Variants in CYP19A1 observed in about 807,000 individuals in gnomAD.
CYP19A1 encodes aromatase.
Under a neutral mutation model 44.4 loss-of-function variants are expected in CYP19A1, and 32 were observed. The ratio of observed to expected loss-of-function variants is 0.72; its 90% CI spans 0.54 to 0.97. The LOEUF (loss-of-function observed/expected upper bound fraction) is 0.97. Among genes scored for constraint, CYP19A1 ranks in the 50% least tolerant of loss-of-function variants. The pLI is 0.00. For synonymous variants in CYP19A1, 212 were observed against 215.6 expected (o/e 0.98, Z 0.14); for missense variants, 598 against 637.8 (o/e 0.94, Z 0.67).
intron 1 of CYP19A1, among the ~76,000 whole-genome samples, chr15:51,272,092 A>G (rs2035147045): frequency 6.6e-6 from 1 of 152,100 alleles, no homozygotes; most frequent in African/African-American, 2.4e-5. Context: ...ACAACCCAGC[A>G]CTCTCTCATC....
intron 1 of CYP19A1, among the ~76,000 whole-genome samples, chr15:51,280,378 G>A (rs907224234): frequency 2.6e-5 from 4 of 151,054 alleles, no homozygotes; most frequent in African/African-American, 7.3e-5. Flanking sequence ...GATTACAGGT[G>A]TGAGCCACCA....
At chr15:51,259,945 G>A (rs967367561) in intron 1 of CYP19A1, among the ~76,000 whole-genome samples, 1 of 152,212 alleles carries the variant, frequency 6.6e-6, no homozygotes, top group Non-Finnish European at 1.5e-5. Flanking sequence ...CAGGTAAGAA[G>A]AACACTAAAT....
chr15:51,224,829 C>T (rs2032435175), intron 4 of CYP19A1, among the ~76,000 whole-genome samples: 1 of 152,218 alleles, frequency 6.6e-6, no homozygotes, highest in East Asian at 1.9e-4. Flanking sequence ...TCCCCTTGGC[C>T]ACGTCCCTGA....
intron 3 of CYP19A1, among the ~76,000 whole-genome samples, chr15:51,234,120 C>T (rs1047926716): frequency 2.0e-5 from 3 of 152,074 alleles, no homozygotes; most frequent in Admixed American, 6.5e-5. Context: ...AAATAAAAAT[C>T]TTTCTGAGGT....
At position 51,286,765 on chromosome 15, in the gene CYP19A1, C is replaced by A. The variant is rs558826516; in HGVS notation, c.-38-43815G>T. 7.9e-5 allele frequency among the ~76,000 whole-genome samples: 12 copies of A among 152,246 alleles called. No homozygotes were observed. The South Asian group carries it at 2.5e-3, about 32-fold the overall frequency. ...GTTGCTTTGTACCTGTGCAGCAAGG[C>A]AATCAGATGAAAATCACCCATAAAG... is the stretch of plus-strand genomic sequence containing the variant. On this transcript the variant is annotated intron_variant, in intron 1 of 9. Transcript: ENST00000396402.
intron 1 of CYP19A1, among the ~76,000 whole-genome samples, chr15:51,283,972 C>T (rs147417040): frequency 0.022 from 3,392 of 152,286 alleles, 61 homozygotes; most frequent in South Asian, 0.033. Context: ...AGGACGCTTA[C>T]CCTCAGGAAC....
intron 1 of CYP19A1, among the ~76,000 whole-genome samples, chr15:51,271,752 A>T (rs2035134582): frequency 6.6e-6 from 1 of 152,270 alleles, no homozygotes. Context: ...CCACTCTTTG[A>T]TTGATTAGTC....
chr15:51,227,868 C>A lies in CYP19A1; in HGVS notation c.362G>T (p.Gly121Val). The A allele has an allele frequency of 6.4e-7, 1 of 1,553,102 alleles. No homozygotes were observed. The highest frequency in any genetic ancestry group is 1.4e-5 in the African/African-American group (1 of 73,750). The change falls in exon 4 of 10, where the codon GGG becomes GTG. Residue 121 changes from glycine to valine, a missense_variant. Gly to Val is a moderately radical substitution (Grantham distance 109). Transcript: ENST00000396402. ...HYSSRFGSKL[G>V]LQCIGMHEKG... ...CTCATGCATACCGATGCACTGCAGC[C>A]CAAGTTTGCTGCCGAATCGAGAGCT...
At chr15:51,335,533 C>A (rs1208990993) in intron 1 of CYP19A1, among the ~76,000 whole-genome samples, 1 of 152,168 alleles carries the variant, frequency 6.6e-6, no homozygotes, top group Non-Finnish European at 1.5e-5. Flanking sequence ...AATTTAGTCA[C>A]GGTTCTGTTT....
rs1355677689 is a variant in CYP19A1 at position 51,212,553 on chromosome 15, C to G, written c.1030G>C (p.Asp344His). Residue 344 changes from aspartate to histidine, a missense_variant, in exon 9 of 10, where the codon GAC (aspartate) becomes CAC (histidine). Transcript: ENST00000396402. ...TTTTGTATATCATCAATCTTTATGT[C>G]TCTCTCACCTGTGGAAACAGATAAA... Reference protein sequence around the residue: ...KEIQTVIGERDIKIDDIQKLK... With the variant: ...KEIQTVIGERHIKIDDIQKLK... 6.8e-7 allele frequency: 1 copy of G among 1,481,104 alleles called. No homozygotes were observed. Among genetic ancestry groups the G allele is most frequent in the South Asian group, 1.1e-5 (1 of 88,336 alleles). The allele number at this position is 1,481,104 out of a possible 1,614,324, so 91.7% of individuals were successfully genotyped here.
intron 1 of CYP19A1, chr15:51,338,002 G>C (rs1012384804): frequency 6.6e-6 from 1 of 152,204 alleles, no homozygotes; most frequent in Non-Finnish European, 1.5e-5. Flanking sequence ...CCCAGCCCAC[G>C]GGGTGGCCAT....
intron 9 of CYP19A1, chr15:51,211,569 T>G: frequency 2.7e-6 from 1 of 373,566 alleles, no homozygotes; most frequent in Non-Finnish European, 5.3e-6. Flanking sequence ...TAGTAGATGT[T>G]CAATAAATTT....
intron 1 of CYP19A1, among the ~76,000 whole-genome samples, chr15:51,265,812 G>C (rs1008411925): frequency 6.6e-6 from 1 of 152,100 alleles, no homozygotes; most frequent in African/African-American, 2.4e-5. Context: ...GGGGCTCTCC[G>C]CTCTCCTCAG....
intron 4 of CYP19A1, among the ~76,000 whole-genome samples, chr15:51,224,015 G>T (rs2141067726): frequency 6.6e-6 from 1 of 152,244 alleles, no homozygotes; most frequent in East Asian, 1.9e-4. Flanking sequence ...ATGTAGATAT[G>T]ATTTAATTTT....
At chr15:51,301,966 T>G (rs796433616) in intron 1 of CYP19A1, among the ~76,000 whole-genome samples, 32 of 152,354 alleles carry the variant, frequency 2.1e-4, no homozygotes, top group African/African-American at 7.7e-4. Context: ...AATGTAGAGC[T>G]GCAATTCTAA....
chr15:51,303,744 G>A (rs1164117009), intron 1 of CYP19A1, among the ~76,000 whole-genome samples: 1 of 152,174 alleles, frequency 6.6e-6, no homozygotes, highest in Non-Finnish European at 1.5e-5. Flanking sequence ...CTGATTAGAT[G>A]GCAGGAGGCA....
At chr15:51,216,322 G>A (rs1044245649) in intron 6 of CYP19A1, among the ~76,000 whole-genome samples, 1 of 152,110 alleles carries the variant, frequency 6.6e-6, no homozygotes, top group African/African-American at 2.4e-5. Flanking sequence ...CATGATCTCA[G>A]CCCACTGCAG....
At chr15:51,211,189 C>T (rs975493399) in intron 9 of CYP19A1, 133 bp from the exon 10 acceptor site, 1 of 700,404 alleles carries the variant, frequency 1.4e-6, no homozygotes, top group South Asian at 1.5e-5. Context: ...CCTCCATCCC[C>T]TCAGATGAAC....
rs908111307 is a variant in CYP19A1, at chr15:51,232,128, C to T, written c.297-4195G>A. Among the ~76,000 whole-genome samples the T allele has an allele frequency of 5.3e-5, 8 of 152,192 alleles. No individual in the cohort carries two copies. In the South Asian group the frequency reaches 1.2e-3, roughly 24 times the overall value. On this transcript the variant is annotated intron_variant, in intron 3 of 9. Coordinates refer to ENST00000396402, the MANE Select transcript of CYP19A1 (RefSeq NM_000103.4). ...CACTCATCTACTGGCCCATTTCCTG[C>T]CTTCTTTATGGCAAACTCCTTGGAA...
Sources: gnomAD v4.1 joint callset for allele counts (sites outside exome capture counted in the v4.1 genomes callset) on GRCh38, gnomAD v4.1.1 for gene constraint, MANE v1.5 for transcripts, NCBI Gene and HGNC (gene_info 2026-07-23, HGNC 2026-07-21) for gene names.